Variants in EHBP1 observed in about 807,000 individuals in gnomAD.
EHBP1 encodes the protein EH domain-binding protein 1.
In EHBP1, 55 loss-of-function variants were observed where a neutral mutation model predicts 144.0. The ratio of observed to expected loss-of-function variants is 0.38; its 90% CI spans 0.31 to 0.48. EHBP1 has a LOEUF of 0.48. Ranked by LOEUF, EHBP1 falls within the 20% of genes least tolerant of loss-of-function variation. The probability of loss-of-function intolerance (pLI) is 0.98; values close to 1 mark genes in which losing one functional copy is unlikely to be tolerated. For synonymous variants in EHBP1, 469 were observed against 472.7 expected, an observed-to-expected ratio of 0.99 and a Z score of 0.10; for missense variants, 1,200 against 1,364.2, an observed-to-expected ratio of 0.88 and a Z score of 1.90.
At chr2:62,755,428 T>G (rs1377224682) in intron 3 of EHBP1, among the ~76,000 whole-genome samples, 2 of 152,230 alleles carry the variant, frequency 1.3e-5, no homozygotes, top group South Asian at 2.1e-4. Flanking sequence ...TTTTTTCCAG[T>G]TTTTTACTCT....
intron 10 of EHBP1, among the ~76,000 whole-genome samples, chr2:62,882,517 A>G (rs955291548): frequency 1.3e-5 from 2 of 152,226 alleles, no homozygotes; most frequent in East Asian, 3.8e-4. Flanking sequence ...CTCATTGCCT[A>G]CTTCCTATAC....
rs191320212 is a variant in EHBP1, at chr2:62,674,495, T to A, written c.-296+412T>A. 7.4e-4 allele frequency among the ~76,000 whole-genome samples: 112 copies of A among 152,366 alleles called. 2 individuals are homozygous for A. In the East Asian group the frequency reaches 0.013, roughly 18 times the overall value. On this transcript the variant is annotated intron_variant, in intron 1 of 22. Transcript: ENST00000405015. Reference sequence around the variant, plus strand: ...CTATTCCTGCTTTTTAATTATAAATTACATTTCATTTACCTTCATCACCCT... The same window carrying A: ...CTATTCCTGCTTTTTAATTATAAATAACATTTCATTTACCTTCATCACCCT...
chr2:62,752,426 G>A (rs2039834585), intron 3 of EHBP1, among the ~76,000 whole-genome samples: 1 of 152,148 alleles, frequency 6.6e-6, no homozygotes, highest in South Asian at 2.1e-4. Context: ...GAGTAAGTGT[G>A]GTGTGGTGCT....
intron 10 of EHBP1, among the ~76,000 whole-genome samples, chr2:62,901,907 G>A (rs1323070737): frequency 6.6e-6 from 1 of 151,760 alleles, no homozygotes; most frequent in Non-Finnish European, 1.5e-5. Flanking sequence ...TGAGGCTGCA[G>A]TGAGCCGTGA....
At chr2:62,999,123 G>A (rs2059751972) in intron 19 of EHBP1, among the ~76,000 whole-genome samples, 1 of 152,078 alleles carries the variant, frequency 6.6e-6, no homozygotes, top group Admixed American at 6.6e-5. Flanking sequence ...ATGAGACTGA[G>A]GCTCAGACAG....
At chr2:62,792,716 C>T (rs1202986809) in intron 5 of EHBP1, among the ~76,000 whole-genome samples, 1 of 151,952 alleles carries the variant, frequency 6.6e-6, no homozygotes, top group African/African-American at 2.4e-5. Flanking sequence ...CAGCAAGATG[C>T]TATGTGTTTA....
In EHBP1 at chr2:62,754,034, G is replaced by A. The variant is rs185270267; in HGVS notation, c.162+6582G>A. Among the ~76,000 whole-genome samples, 276 of 152,308 alleles carry A rather than the reference G, an allele frequency of 1.8e-3. 2 individuals are homozygous for A. The highest frequency in any genetic ancestry group is 2.4e-3 in the Non-Finnish European group (164 of 68,024). ...CGTCCAGGTTTGTTTCGTTGCTGGC[G>A]AGGAGCTCCGTTCCTTTGGAGGGGG... On this transcript the variant is annotated intron_variant, in intron 3 of 22. Transcript: ENST00000431489.
intron 10 of EHBP1, among the ~76,000 whole-genome samples, chr2:62,904,381 T>G (rs1166898303): frequency 2.6e-5 from 4 of 152,224 alleles, no homozygotes; most frequent in Non-Finnish European, 5.9e-5. Flanking sequence ...GCCTTTTATC[T>G]AGAATAACAC....
chr2:62,913,650 A>G (rs1484023388), intron 10 of EHBP1, among the ~76,000 whole-genome samples: 1 of 152,206 alleles, frequency 6.6e-6, no homozygotes. Flanking sequence ...ATTAAGTGGT[A>G]TGTCACAGTA....
At chr2:62,792,778 C>G (rs2043249953) in intron 5 of EHBP1, among the ~76,000 whole-genome samples, 1 of 151,936 alleles carries the variant, frequency 6.6e-6, no homozygotes, top group Non-Finnish European at 1.5e-5. Context: ...TCTCAGTATA[C>G]TTAGAGTGAG....
intron 3 of EHBP1, among the ~76,000 whole-genome samples, chr2:62,754,779 C>T (rs914250122): frequency 6.6e-6 from 1 of 152,218 alleles, no homozygotes; most frequent in Admixed American, 6.5e-5. Context: ...GCGTGGGACC[C>T]TCCGAGCCAG....
At chr2:62,940,768 A>C (rs2056709042) in intron 10 of EHBP1, among the ~76,000 whole-genome samples, 1 of 152,072 alleles carries the variant, frequency 6.6e-6, no homozygotes, top group Admixed American at 6.6e-5. Context: ...TTTTGTTGGA[A>C]GTACAGTAAG....
chr2:62,838,181 G>T (rs2047455727), intron 7 of EHBP1, among the ~76,000 whole-genome samples: 2 of 152,070 alleles, frequency 1.3e-5, no homozygotes, highest in Non-Finnish European at 2.9e-5. Flanking sequence ...TCAGGATTAA[G>T]AATCCCACTC....
intron 3 of EHBP1, among the ~76,000 whole-genome samples, chr2:62,748,394 C>A (rs894672171): frequency 7.2e-5 from 11 of 152,142 alleles, no homozygotes; most frequent in African/African-American, 2.4e-4. Flanking sequence ...ATCCTTACGC[C>A]TGTAATCCTG....
chr2:63,015,934 A>G (rs192994672), intron 19 of EHBP1, among the ~76,000 whole-genome samples: 92 of 152,290 alleles, frequency 6.0e-4, no homozygotes, highest in African/African-American at 2.1e-3. Flanking sequence ...ACAAGGCTTT[A>G]ATATTTCCTC....
At chr2:62,869,248 A>G (rs1280379008) in intron 9 of EHBP1, among the ~76,000 whole-genome samples, 1 of 152,234 alleles carries the variant, frequency 6.6e-6, no homozygotes, top group Non-Finnish European at 1.5e-5. Context: ...GCAGTCTCTG[A>G]AAAAGTTAAA....
At chr2:62,998,025 A>G (rs2059710411) in intron 19 of EHBP1, among the ~76,000 whole-genome samples, 1 of 151,792 alleles carries the variant, frequency 6.6e-6, no homozygotes, top group Non-Finnish European at 1.5e-5. Flanking sequence ...ACTGCTTAAA[A>G]TTTAAAACCA....
chr2:62,884,862 A>G (rs957562158), intron 10 of EHBP1, among the ~76,000 whole-genome samples: 1 of 152,204 alleles, frequency 6.6e-6, no homozygotes, highest in African/African-American at 2.4e-5. Flanking sequence ...CATTTAGTAT[A>G]CGATATTCTA....
chr2:62,930,762 T>C (rs1406543647), intron 10 of EHBP1, among the ~76,000 whole-genome samples: 1 of 152,158 alleles, frequency 6.6e-6, no homozygotes. Flanking sequence ...GTCAGGACTA[T>C]GGAGAAAAAT....
Sources: gnomAD v4.1 joint callset for allele counts (sites outside exome capture counted in the v4.1 genomes callset) on GRCh38, gnomAD v4.1.1 for gene constraint, MANE v1.5 for transcripts, NCBI Gene and HGNC (gene_info 2026-07-23, HGNC 2026-07-21) for gene names.